LAMA3: variants seen among roughly 807,000 people sequenced by gnomAD.
LAMA3 encodes laminin subunit alpha-3.
Under a neutral mutation model 402.0 loss-of-function variants are expected in LAMA3, and 281 were observed. That is an observed-to-expected ratio of 0.70 (90% CI 0.63 to 0.77). The LOEUF (loss-of-function observed/expected upper bound fraction) is 0.77. LAMA3 is among the 30% of genes least tolerant of loss of function. LAMA3 has a pLI of 0.00. For missense variants in LAMA3, 3,840 were observed against 4,215.5 expected, an observed-to-expected ratio of 0.91 and a Z score of 2.47; for synonymous variants, 1,431 against 1,558.4, an observed-to-expected ratio of 0.92 and a Z score of 1.93.
intron 63 of LAMA3, 65 bp from the exon 64 acceptor site, chr18:23,928,560 A>T: frequency 6.2e-6 from 9 of 1,463,080 alleles, no homozygotes; most frequent in Non-Finnish European, 7.7e-6. Context: ...AGATAGGGTA[A>T]GGTACTGTAT....
chr18:23,780,131 C>G (rs2062405979), intron 11 of LAMA3, among the ~76,000 whole-genome samples: 1 of 152,110 alleles, frequency 6.6e-6, no homozygotes, highest in Non-Finnish European at 1.5e-5. Flanking sequence ...GTCTTGAATA[C>G]TTAGCATATT....
At chr18:23,946,120 T>C (rs762260461) in intron 69 of LAMA3, 24 bp from the exon 70 acceptor site, 1 of 1,608,198 alleles carries the variant, frequency 6.2e-7, no homozygotes, top group Non-Finnish European at 8.5e-7. Context: ...AAAATACAAC[T>C]CACGTATCTT....
intron 34 of LAMA3, among the ~76,000 whole-genome samples, chr18:23,859,034 C>A (rs1284253136): frequency 1.3e-5 from 2 of 152,172 alleles, no homozygotes; most frequent in Admixed American, 6.5e-5. Flanking sequence ...CTCTTGCTGA[C>A]CTTACCCTTG....
intron 47 of LAMA3, 38 bp from the exon 48 acceptor site, chr18:23,901,089 C>T: frequency 6.4e-7 from 1 of 1,554,012 alleles, no homozygotes; most frequent in Non-Finnish European, 8.9e-7. Flanking sequence ...TCAGTATGCT[C>T]ATCTGTCAAA....
intron 2 of LAMA3, among the ~76,000 whole-genome samples, chr18:23,746,495 A>C (rs909096310): frequency 6.6e-6 from 1 of 152,218 alleles, no homozygotes; most frequent in South Asian, 2.1e-4. Context: ...TGAATGAAGA[A>C]GCAGGTGTGG....
chr18:23,912,556 T>C (rs2081469256), intron 55 of LAMA3, among the ~76,000 whole-genome samples, 155 bp from the exon 56 acceptor site: 1 of 152,190 alleles, frequency 6.6e-6, no homozygotes, highest in Non-Finnish European at 1.5e-5. Context: ...TTGGAGATTA[T>C]GATCCAGGGC....
rs752573543 is a variant in LAMA3 at position 23,714,046 on chromosome 18, G to A, written c.421G>A (p.Val141Ile). ...PLSSGTQYNR[V>I]NLTLDLGQLF... ...GTCCTCAGGCACACAGTACAACAGA[G>A]TCAACCTCACCTTGGATCTGGGGCA... The change falls in exon 2 of 75, where the codon GTC (valine) becomes ATC (isoleucine). Residue 141 changes from valine (V) to isoleucine (I), a missense_variant. By Grantham distance (29) the Val-to-Ile change is conservative. Transcript: ENST00000313654. 2.5e-6 allele frequency: 4 copies of A among 1,613,808 alleles called. No individual in the cohort carries two copies. The highest frequency in any genetic ancestry group is 2.5e-6 in the Non-Finnish European group (3 of 1,179,990).
Position 23,901,176 on chromosome 18 carries a change from T to A in LAMA3, c.6054T>A (p.Asn2018Lys), listed in dbSNP as rs1599043125. 6.2e-7 allele frequency: 1 copy of A among 1,614,140 alleles called. No individual in the cohort carries two copies. Among genetic ancestry groups the A allele is most frequent in the South Asian group, 1.1e-5 (1 of 91,080 alleles). ...TWQKTHQGEN[N>K]GLANSIRDSL... ...AGAAAACCCACCAGGGGGAGAACAA[T>A]GGGCTTGCTAACAGTATCCGGGATT... Residue 2018 changes from asparagine to lysine, a missense_variant, in exon 48 of 75, where the codon AAT becomes AAA. By Grantham distance (94) the Asn-to-Lys change is moderately conservative. Coordinates refer to ENST00000313654, the MANE Select transcript of LAMA3 (RefSeq NM_198129.4).
rs2082697742 is a variant in LAMA3, at chr18:23,946,037, AG to A, written c.9211-105del. ...TCTCTCATCTTTTGAAGCTATTTGA[AG>A]GAGCATGAAAACATTTTTTTTTAAT... On this transcript the variant is annotated intron_variant, in intron 69 of 74. Coordinates refer to ENST00000313654, the MANE Select transcript of LAMA3 (RefSeq NM_198129.4). The A allele has an allele frequency of 1.2e-5, 13 of 1,058,566 alleles. No individual in the cohort carries two copies. The South Asian group carries it at 1.7e-4, about 14-fold the overall frequency. 65.6% of individuals were successfully genotyped at this position (1,058,566 alleles called of 1,614,324 possible). A position where few individuals can be genotyped will look rare whatever the true frequency, so the allele number is the denominator to read the frequency against.
chr18:23,869,927 G>A (rs561857245), intron 37 of LAMA3, among the ~76,000 whole-genome samples: 1 of 151,808 alleles, frequency 6.6e-6, no homozygotes, highest in East Asian at 1.9e-4. Context: ...AATTAGCCAG[G>A]CGTGGTGGCA....
intron 32 of LAMA3, among the ~76,000 whole-genome samples, chr18:23,856,096 G>A (rs1311359980): frequency 6.6e-6 from 1 of 152,188 alleles, no homozygotes; most frequent in Non-Finnish European, 1.5e-5. Flanking sequence ...CATTTTTACA[G>A]ATGAAGAAAC....
intron 35 of LAMA3, 83 bp downstream of exon 35, chr18:23,861,890 G>A: frequency 7.0e-7 from 1 of 1,421,982 alleles, no homozygotes. Flanking sequence ...AAATCTGGAA[G>A]GAAGCATCCA....
chr18:23,713,900 A>C lies in LAMA3; in HGVS notation c.295-20A>C, dbSNP rs755974926. On this transcript the variant is annotated intron_variant, in intron 1 of 74. Coordinates refer to ENST00000313654, the MANE Select transcript of LAMA3 (RefSeq NM_198129.4). ...AAATAAAAAACAAAAAACAAAAAAAACCCACTTTTTTTTTTTCAGGGCCAG... is the reference window on the plus strand; with the variant it reads ...AAATAAAAAACAAAAAACAAAAAAACCCCACTTTTTTTTTTTCAGGGCCAG... 4.4e-6 allele frequency: 7 copies of C among 1,604,226 alleles called. No individual in the cohort carries two copies. In the Admixed American group the frequency reaches 5.1e-5, roughly 12 times the overall value.
chr18:23,844,461 G>A (rs1382550565), intron 29 of LAMA3, among the ~76,000 whole-genome samples: 3 of 152,192 alleles, frequency 2.0e-5, no homozygotes, highest in Admixed American at 6.5e-5. Context: ...CATCCAGCAG[G>A]CCCCTGCTTA....
chr18:23,733,576 T>C (rs1486494360), intron 2 of LAMA3, among the ~76,000 whole-genome samples: 2 of 152,218 alleles, frequency 1.3e-5, no homozygotes, highest in African/African-American at 4.8e-5. Context: ...GGGGCTATAA[T>C]TCAAGATGAG....
intron 12 of LAMA3, among the ~76,000 whole-genome samples, chr18:23,808,188 C>T (rs2063000403): frequency 6.6e-6 from 1 of 152,050 alleles, no homozygotes; most frequent in Admixed American, 6.6e-5. Flanking sequence ...GTTCCAGGAC[C>T]ATCCATGGGC....
rs756501382 is a variant in LAMA3 at position 23,916,556 on chromosome 18, A to G, written c.7784A>G (p.Lys2595Arg). Residue 2595 changes from lysine to arginine, a missense_variant, in exon 60 of 75, where the codon AAG becomes AGG. Lys to Arg is a conservative substitution (Grantham distance 26). Around this residue, in one of 3 missense-constraint regions of LAMA3, gnomAD observed 840 missense variants for 981.9 expected, o/e 0.86. Transcript: ENST00000313654. ...TTEVEPCRRRKEESDKNYFEG... is the reference protein window; with the variant it reads ...TTEVEPCRRRREESDKNYFEG... ...ATGATGATTAATGTTGACAGGAGGA[A>G]GGAAGAGTCAGACAAAAATTATTTT... 3.1e-6 allele frequency: 5 copies of G among 1,614,034 alleles called. No individual in the cohort carries two copies. Among genetic ancestry groups the G allele is most frequent in the Admixed American group, 1.7e-5 (1 of 60,002 alleles).
intron 42 of LAMA3, among the ~76,000 whole-genome samples, chr18:23,892,476 A>G (rs1352093997): frequency 6.6e-6 from 1 of 152,142 alleles, no homozygotes; most frequent in Non-Finnish European, 1.5e-5. Flanking sequence ...TAAATCAATC[A>G]TCCAGAGAAG....
chr18:23,943,396 T>C (rs1473128985), intron 68 of LAMA3, among the ~76,000 whole-genome samples: 1 of 152,238 alleles, frequency 6.6e-6, no homozygotes, highest in Admixed American at 6.5e-5. Flanking sequence ...TACTTAACAG[T>C]ACTGAACTAT....
Sources: allele counts gnomAD v4.1 joint callset (sites outside exome capture counted in the v4.1 genomes callset), GRCh38; gene constraint gnomAD v4.1.1; regional missense constraint gnomAD v4.1.1; transcripts MANE v1.5; gene names NCBI Gene and HGNC (gene_info 2026-07-23, HGNC 2026-07-21).